Variants in FBXL2 observed in about 807,000 individuals in gnomAD.
The protein encoded by FBXL2 is F-box/LRR-repeat protein 2.
FBXL2 carries 38 observed loss-of-function variants against 69.2 expected under a neutral mutation model. That is an observed-to-expected ratio of 0.55 (90% confidence interval 0.42 to 0.72). The LOEUF (loss-of-function observed/expected upper bound fraction) is 0.72, where lower values mean the gene tolerates loss of function less well. Among genes scored for constraint, FBXL2 ranks in the 30% least tolerant of loss-of-function variants. FBXL2 has a pLI of 0.00. For missense variants in FBXL2, 354 were observed against 520.3 expected (o/e 0.68, Z 3.11); for synonymous variants, 192 against 201.3 (o/e 0.95, Z 0.39).
At chr3:33,400,352 A>C (rs2044176863) in intron 12 of FBXL2, 3 of 1,277,932 alleles carry the variant, frequency 2.3e-6, no homozygotes, top group Non-Finnish European at 3.2e-6. Context: ...CAAAACACAG[A>C]AAGCCTCGGA....
intron 5 of FBXL2, chr3:33,372,706 G>C (rs1415164972): frequency 3.1e-6 from 1 of 321,474 alleles, no homozygotes; most frequent in Non-Finnish European, 5.9e-6. Flanking sequence ...CACAGTACTA[G>C]AAGATTTGCC....
intron 13 of FBXL2, 115 bp from the exon 14 acceptor site, chr3:33,383,874 C>G (rs1350982473): frequency 1.9e-5 from 17 of 872,512 alleles, no homozygotes. Flanking sequence ...TGAGGGCATT[C>G]TTGCTGTGTC....
chr3:33,409,611 G>A, the FBXL2 span: 9 of 1,613,972 alleles, frequency 5.6e-6, no homozygotes, highest in South Asian at 4.4e-5. Context: ...CCTATAAAAC[G>A]ATTCAGGCTG....
intron 13 of FBXL2, among the ~76,000 whole-genome samples, chr3:33,381,367 G>A (rs552808386): frequency 2.6e-5 from 4 of 152,314 alleles, no homozygotes; most frequent in Non-Finnish European, 2.9e-5. Context: ...GAAATTGGCT[G>A]GGCACGGTGG....
At chr3:33,397,984 T>C (rs1181918312) in intron 12 of FBXL2, 2 of 152,326 alleles carry the variant, frequency 1.3e-5, no homozygotes, top group Admixed American at 6.5e-5. Flanking sequence ...ATCTAGGATT[T>C]GCTTTGAAAT....
At chr3:33,405,196 T>G (rs1349661713), downstream of FBXL2, among the ~76,000 whole-genome samples, 2 of 152,074 alleles carry the variant, frequency 1.3e-5, no homozygotes, top group East Asian at 1.9e-4. Flanking sequence ...AGAAAAAAAT[T>G]TTTAAAGATT....
At chr3:33,395,591 G>C (rs1236157389) in intron 12 of FBXL2, among the ~76,000 whole-genome samples, 1 of 151,824 alleles carries the variant, frequency 6.6e-6, no homozygotes, top group Non-Finnish European at 1.5e-5. Context: ...ATTATTTACA[G>C]TGACATAAAA....
upstream of FBXL2, chr3:33,277,368 G>T: frequency 2.3e-6 from 2 of 865,386 alleles, no homozygotes; most frequent in South Asian, 5.7e-5. Flanking sequence ...CCGCCCCTGC[G>T]GGTCACGTGC....
chr3:33,298,694 C>T (rs1319059472), intron 2 of FBXL2, among the ~76,000 whole-genome samples: 3 of 89,332 alleles, frequency 3.4e-5, no homozygotes, highest in Admixed American at 1.6e-4. Context: ...GAAACTCTGT[C>T]TCAAAAAAAA....
chr3:33,392,887 C>T (rs1038901033), downstream of FBXL2: 15 of 379,960 alleles, frequency 3.9e-5, no homozygotes, highest in Admixed American at 8.9e-5. Flanking sequence ...GATGATGACT[C>T]GAACAAAAAT....
At chr3:33,344,573 C>T (rs951849446) in intron 2 of FBXL2, among the ~76,000 whole-genome samples, 2 of 151,676 alleles carry the variant, frequency 1.3e-5, no homozygotes, top group African/African-American at 2.4e-5. Flanking sequence ...AAAATAAATT[C>T]CAGATGGATT....
chr3:33,412,480 G>A, the FBXL2 span, among the ~76,000 whole-genome samples: 1 of 151,822 alleles, frequency 6.6e-6, no homozygotes, highest in African/African-American at 2.4e-5. Flanking sequence ...CTACTTGGGA[G>A]GCTAAGGCAG....
rs185698246 is a variant in FBXL2 at position 33,294,974 on chromosome 3, T to C, written c.4-2690T>C. 4.0e-3 allele frequency among the ~76,000 whole-genome samples: 607 copies of C among 152,304 alleles called. 7 individuals carry two copies. The highest frequency in any genetic ancestry group is 0.013 in the African/African-American group (550 of 41,546). On this transcript the variant is annotated intron_variant, in intron 1 of 14. Coordinates refer to ENST00000484457, the MANE Select transcript of FBXL2 (RefSeq NM_012157.5). ...AGTAGGCACTTACTAAATATTAGTC[T>C]CATATATCCAACACAAAGATTCATC...
intron 2 of FBXL2, among the ~76,000 whole-genome samples, chr3:33,304,230 A>G (rs537734683): frequency 6.6e-6 from 1 of 152,148 alleles, no homozygotes; most frequent in African/African-American, 2.4e-5. Context: ...TCTTTTATTC[A>G]TTTTGTAGTA....
chr3:33,406,377 C>G (rs1222838370), downstream of FBXL2, among the ~76,000 whole-genome samples: 1 of 152,348 alleles, frequency 6.6e-6, no homozygotes, highest in Non-Finnish European at 1.5e-5. Context: ...TCATGGGTAT[C>G]ACACACTGTC....
chr3:33,398,760 A>G (rs1191316480), intron 12 of FBXL2, among the ~76,000 whole-genome samples: 1 of 152,234 alleles, frequency 6.6e-6, no homozygotes, highest in African/African-American at 2.4e-5. Context: ...CTGATGTAAA[A>G]GGAGTAATGT....
chr3:33,355,965 C>T (rs2041172489), intron 2 of FBXL2, among the ~76,000 whole-genome samples: 1 of 152,116 alleles, frequency 6.6e-6, no homozygotes, highest in Non-Finnish European at 1.5e-5. Context: ...AATTCAACTA[C>T]TTTCAGTTTA....
intron 2 of FBXL2, among the ~76,000 whole-genome samples, chr3:33,332,594 A>G (rs2039254609): frequency 6.6e-6 from 1 of 152,256 alleles, no homozygotes; most frequent in African/African-American, 2.4e-5. Context: ...GTGGAGCTGT[A>G]TTTTGAGAAA....
chr3:33,350,557 C>T (rs1262557341), intron 2 of FBXL2, among the ~76,000 whole-genome samples: 1 of 152,068 alleles, frequency 6.6e-6, no homozygotes. Context: ...TTCAGCCTCC[C>T]CGGTAGCTGG....
Sources: gnomAD v4.1 joint callset for allele counts (sites outside exome capture counted in the v4.1 genomes callset) on GRCh38, gnomAD v4.1.1 for gene constraint, MANE v1.5 for transcripts, NCBI Gene and HGNC (gene_info 2026-07-23, HGNC 2026-07-21) for gene names.